The following SRRM2 variants were observed in gnomAD, a reference collection of about 807,000 sequenced individuals.
The protein encoded by SRRM2 is serine/arginine repetitive matrix 2.
In SRRM2, 30 loss-of-function variants were observed where a neutral mutation model predicts 213.8. The ratio of observed to expected loss-of-function variants is 0.14; its 90% CI spans 0.10 to 0.19. The LOEUF is 0.19. SRRM2 is among the 10% of genes least tolerant of loss of function. SRRM2 has a pLI of 1.00. For missense variants in SRRM2, 4,904 were observed against 3,647.0 expected, an observed-to-expected ratio of 1.34 and a Z score of -8.88; for synonymous variants, 2,025 against 1,377.7, an observed-to-expected ratio of 1.47 and a Z score of -10.40.
In SRRM2 at chr16:2,762,878, C is replaced by T; in HGVS notation, c.2350C>T (p.Pro784Ser). The change falls in exon 11 of 15, where the codon CCA (proline) becomes TCA (serine). Residue 784 changes from proline to serine, a missense_variant. Coordinates refer to ENST00000301740, the MANE Select transcript of SRRM2 (RefSeq NM_016333.4). ...SLRRSLSGSS[P>S]CPKQKSQTPP... ...GAGGCGCAGCCTTTCAGGGTCTTCC[C>T]CATGCCCTAAACAAAAGTCACAGAC... is the stretch of plus-strand genomic sequence containing the variant. 2 of 1,614,184 alleles carry T rather than the reference C, an allele frequency of 1.2e-6. No homozygotes were observed. The highest frequency in any genetic ancestry group is 1.1e-5 in the South Asian group (1 of 91,078).
At position 2,752,696 on chromosome 16, in the gene SRRM2, G is replaced by A. The variant is rs1173600927; in HGVS notation, c.-182G>A. The stretch of plus-strand genomic sequence containing the variant: ...GAGTGGCGCAGTTGGAGCCCGTTGC[G>A]GCCCCTGAGGAAGCGAGGAGGCGTC... On this transcript the variant is annotated 5_prime_UTR_variant, in exon 1 of 15. Coordinates refer to ENST00000301740, the MANE Select transcript of SRRM2 (RefSeq NM_016333.4). The A allele has an allele frequency of 3.1e-6, 1 of 326,094 alleles. No individual in the cohort carries two copies. Among genetic ancestry groups the A allele is most frequent in the Non-Finnish European group, 6.1e-6 (1 of 164,724 alleles). 20.2% of individuals were successfully genotyped at this position (326,094 alleles called of 1,614,324 possible). A position where few individuals can be genotyped will look rare whatever the true frequency, so the allele number is the denominator to read the frequency against.
In SRRM2 at chr16:2,765,713, T is replaced by A. The variant is rs1445743454; in HGVS notation, c.5185T>A (p.Ser1729Thr). ...TCCCCCAAGGCACCGGAGAAGTCCC[T>A]CAGTGTCTTCCCCGGAGCCAGCCGA... is the stretch of plus-strand genomic sequence containing the variant. ...RTPPRHRRSP[S>T]VSSPEPAEKS... Residue 1729 changes from serine (S) to threonine (T), a missense_variant, in exon 11 of 15, where the codon TCA becomes ACA. By Grantham distance (58) the Ser-to-Thr change is moderately conservative (BLOSUM62 1). Transcript: ENST00000301740. 2.5e-6 allele frequency: 4 copies of A among 1,613,948 alleles called. No individual in the cohort carries two copies. The African/African-American group carries it at 5.3e-5, about 22-fold the overall frequency.
At chr16:2,756,730 G>T in intron 2 of SRRM2, 124 bp downstream of exon 2, 18 of 1,339,836 alleles carry the variant, frequency 1.3e-5, no homozygotes, top group Non-Finnish European at 1.8e-5. Context: ...TAGGGGAGGA[G>T]GCAGATGAGC....
intron 1 of SRRM2, among the ~76,000 whole-genome samples, chr16:2,755,000 C>T (rs1466110869): frequency 1.3e-5 from 2 of 152,192 alleles, no homozygotes; most frequent in Non-Finnish European, 2.9e-5. Context: ...CTGGAATTTT[C>T]TAAATGCATC....
Position 2,756,594 on chromosome 16 carries a change from TG to T in SRRM2, c.232del (p.Glu78LysfsTer26). 6.2e-7 allele frequency: 1 copy of T among 1,612,660 alleles called. No individual in the cohort carries two copies. Among genetic ancestry groups the T allele is most frequent in the Non-Finnish European group, 8.5e-7 (1 of 1,179,346 alleles). On this transcript the variant is annotated frameshift_variant, in exon 2 of 15. Coordinates refer to ENST00000301740, the MANE Select transcript of SRRM2 (RefSeq NM_016333.4). LOFTEE classifies it high-confidence loss of function. ...CGATGCCTCGAGCTGGAGGAGATGA[TG>T]GAAGAGCAGGGGTGAGGGAGAGCTG... is the stretch of plus-strand genomic sequence containing the variant. ...ELRCLELEEM[M>X]EEQGYEEQQI...
Position 2,767,152 on chromosome 16 carries a change from G to A in SRRM2, c.6624G>A (p.Met2208Ile). 2 of 1,614,148 alleles carry A rather than the reference G, an allele frequency of 1.2e-6. No homozygotes were observed. Among genetic ancestry groups the A allele is most frequent in the East Asian group, 2.2e-5 (1 of 44,878 alleles). The part of the protein sequence containing the change: ...SMSAAGLAAR[M>I]SQVPAPVPLM... ...CTGCTGCTGGCCTTGCTGCAAGAAT[G>A]TCCCAGGTTCCAGCCCCGGTGCCTC... Residue 2208 changes from methionine to isoleucine, a missense_variant, in exon 11 of 15, where the codon ATG becomes ATA. By Grantham distance (10) the Met-to-Ile change is conservative. Transcript: ENST00000301740.
Position 2,756,607 on chromosome 16 carries a change from G to A in SRRM2, c.242+1G>A. The A allele has an allele frequency of 6.2e-7, 1 of 1,610,998 alleles. No individual in the cohort carries two copies. Among genetic ancestry groups the A allele is most frequent in the Non-Finnish European group, 8.5e-7 (1 of 1,178,318 alleles). On this transcript the variant is annotated splice_donor_variant, in intron 2 of 14. Coordinates refer to ENST00000301740, the MANE Select transcript of SRRM2 (RefSeq NM_016333.4). LOFTEE classifies it high-confidence loss of function. Reference sequence around the variant, plus strand: ...TGGAGGAGATGATGGAAGAGCAGGGGTGAGGGAGAGCTGGGGGAGAGTCAA... The same window carrying A: ...TGGAGGAGATGATGGAAGAGCAGGGATGAGGGAGAGCTGGGGGAGAGTCAA...
rs758684692 is a variant in SRRM2 at position 2,762,302 on chromosome 16, C to T, written c.1774C>T (p.Arg592Trp). Residue 592 changes from arginine (R) to tryptophan (W), a missense_variant, in exon 11 of 15, where the codon CGG (arginine) becomes TGG (tryptophan). By Grantham distance (101) the Arg-to-Trp change is moderately radical (BLOSUM62 -3). Coordinates refer to ENST00000301740, the MANE Select transcript of SRRM2 (RefSeq NM_016333.4). ...GRSRSRTPAR[R>W]RSRSRTPTRR... ...GTCCCGCTCTAGAACACCTGCCAGG[C>T]GGAGATCACGATCCAGAACTCCCAC... 4.3e-5 allele frequency: 70 copies of T among 1,614,012 alleles called. No individual in the cohort carries two copies. Among genetic ancestry groups the T allele is most frequent in the African/African-American group, 5.3e-5 (4 of 74,962 alleles).
In SRRM2 at chr16:2,769,138, CTCT is replaced by C. The variant is rs769494575; in HGVS notation, c.7881_7883del (p.Ser2648del). 7.2e-5 allele frequency: 112 copies of C among 1,556,320 alleles called. No individual in the cohort carries two copies. The highest frequency in any genetic ancestry group is 6.7e-4 in the Middle Eastern group (4 of 5,936). On this transcript the variant is annotated inframe_deletion, in exon 12 of 15. Transcript: ENST00000301740. ...CATCTTCCTCCTCCTCCTCCTCCTCCTCTTCTTCCTCCTCCTCTTCCTCTTCTT... is the reference window on the plus strand; with the variant it reads ...CATCTTCCTCCTCCTCCTCCTCCTCCTCTTCCTCCTCCTCTTCCTCTTCTT...
intron 11 of SRRM2, 63 bp from the exon 12 acceptor site, chr16:2,768,934 C>A (rs1230770273): frequency 4.4e-6 from 7 of 1,605,236 alleles, no homozygotes; most frequent in South Asian, 1.1e-5. Flanking sequence ...TCCTCCAGGC[C>A]AAGGAAGGTA....
At position 2,752,687 on chromosome 16, in the gene SRRM2, G is replaced by C. The variant is rs1018997378; in HGVS notation, c.-191G>C. On this transcript the variant is annotated 5_prime_UTR_variant, in exon 1 of 15. Coordinates refer to ENST00000301740, the MANE Select transcript of SRRM2 (RefSeq NM_016333.4). ...GCGGGGTGCGAGTGGCGCAGTTGGA[G>C]CCCGTTGCGGCCCCTGAGGAAGCGA... 6.3e-6 allele frequency: 2 copies of C among 316,192 alleles called. No individual in the cohort carries two copies. Among genetic ancestry groups the C allele is most frequent in the African/African-American group, 2.3e-5 (1 of 43,278 alleles). 19.6% of individuals were successfully genotyped at this position (316,192 alleles called of 1,614,324 possible).
rs1217025015 is a variant in SRRM2, at chr16:2,765,813, C to T, written c.5285C>T (p.Ser1762Phe). 1 of 1,614,128 alleles carries T rather than the reference C, an allele frequency of 6.2e-7. No individual in the cohort carries two copies. Among genetic ancestry groups the T allele is most frequent in the Admixed American group, 1.7e-5 (1 of 60,008 alleles). The part of the protein sequence containing the change: ...RTKTTSRRGR[S>F]PSPKPRGLQR... ...AAGACAACCTCAAGGAGAGGCCGCT[C>T]TCCTTCGCCAAAGCCTCGTGGACTC... The change falls in exon 11 of 15, where the codon TCT (serine) becomes TTT (phenylalanine). Residue 1762 changes from serine (S) to phenylalanine (F), a missense_variant. Coordinates refer to ENST00000301740, the MANE Select transcript of SRRM2 (RefSeq NM_016333.4).
Position 2,761,286 on chromosome 16 carries a change from TATAAC to T in SRRM2, c.1033-272_1033-268del, listed in dbSNP as rs555201947. ...TTTAAAGATAGTTTTTTTCCATTCT[TATAAC>T]ATTTTGTAGTGGTATTTGTTAAATG... On this transcript the variant is annotated intron_variant, in intron 10 of 14. Transcript: ENST00000301740. Among the ~76,000 whole-genome samples the T allele has an allele frequency of 2.0e-4, 30 of 152,368 alleles. No individual in the cohort carries two copies. The East Asian group carries it at 5.4e-3, about 27-fold the overall frequency.
chr16:2,753,003 C>T (rs1436476746), intron 1 of SRRM2, 157 bp downstream of exon 1: 4 of 153,322 alleles, frequency 2.6e-5, no homozygotes, highest in Middle Eastern at 3.4e-3. Context: ...CCTCCCTTCC[C>T]CCTTCCCGCC....
At position 2,764,648 on chromosome 16, in the gene SRRM2, C is replaced by A. The variant is rs185679149; in HGVS notation, c.4120C>A (p.Gln1374Lys). The A allele has an allele frequency of 1.2e-6, 2 of 1,614,152 alleles. No individual in the cohort carries two copies. Among genetic ancestry groups the A allele is most frequent in the Admixed American group, 1.7e-5 (1 of 60,032 alleles). Reference sequence around the variant, plus strand: ...AGATCCATCTCTAGACATGAAAGAACAATCGACAAGATCCTCTGGACACAG... The same window carrying A: ...AGATCCATCTCTAGACATGAAAGAAAAATCGACAAGATCCTCTGGACACAG... ...ETDPSLDMKE[Q>K]STRSSGHSSS... is the part of the protein sequence containing the mutation. The change falls in exon 11 of 15, where the codon CAA (glutamine) becomes AAA (lysine). Residue 1374 changes from glutamine (Q) to lysine (K), a missense_variant. By Grantham distance (53) the Gln-to-Lys change is moderately conservative. Transcript: ENST00000301740.
chr16:2,766,797 C>G lies in SRRM2; in HGVS notation c.6269C>G (p.Ser2090Cys). 9.3e-6 allele frequency: 15 copies of G among 1,614,192 alleles called. No homozygotes were observed. Among genetic ancestry groups the G allele is most frequent in the Non-Finnish European group, 1.2e-5 (14 of 1,180,040 alleles). Residue 2090 changes from serine to cysteine, a missense_variant, in exon 11 of 15, where the codon TCT becomes TGT. Ser to Cys is a moderately radical substitution (Grantham distance 112, BLOSUM62 -1). Coordinates refer to ENST00000301740, the MANE Select transcript of SRRM2 (RefSeq NM_016333.4). The surrounding 1 kb of genome is among the most constrained non-coding windows in gnomAD (Gnocchi z 7.0). The part of the protein sequence containing the change: ...ASGSSSDRSR[S>C]ATPPATRNHS... ...GGAAGTAGTTCTGATCGTTCACGAT[C>G]TGCTACTCCTCCAGCAACAAGAAAT...
Position 2,764,994 on chromosome 16 carries a change from T to C in SRRM2, c.4466T>C (p.Leu1489Ser), listed in dbSNP as rs547364983. The C allele has an allele frequency of 1.2e-6, 2 of 1,614,036 alleles. No individual in the cohort carries two copies. The highest frequency in any genetic ancestry group is 4.5e-5 in the East Asian group (2 of 44,878). The change falls in exon 11 of 15, where the codon TTG becomes TCG. Residue 1489 changes from leucine (L) to serine (S), a missense_variant. Coordinates refer to ENST00000301740, the MANE Select transcript of SRRM2 (RefSeq NM_016333.4). ...ECDSSPEPKA[L>S]PQTPRPRSRS... ...GATTCTTCCCCAGAACCGAAAGCTT[T>C]GCCTCAGACTCCTAGGCCGAGGAGT...
rs2068136971 is a variant in SRRM2 at position 2,756,282 on chromosome 16, G to C, written c.-31-52G>C. 2.1e-6 allele frequency: 3 copies of C among 1,439,162 alleles called. No homozygotes were observed. In the East Asian group the frequency reaches 7.4e-5, roughly 36 times the overall value. 89.1% of individuals were successfully genotyped at this position (1,439,162 alleles called of 1,614,324 possible). A position where few individuals can be genotyped will look rare whatever the true frequency, so the allele number is the denominator to read the frequency against. Reference sequence around the variant, plus strand: ...CAGGGACTTGGGTGTGGGGCGGTAAGTGGTTAGTTTGGGGCCAGGGGCCTG... The same window carrying C: ...CAGGGACTTGGGTGTGGGGCGGTAACTGGTTAGTTTGGGGCCAGGGGCCTG... On this transcript the variant is annotated intron_variant, in intron 1 of 14. Transcript: ENST00000301740.
At position 2,769,029 on chromosome 16, in the gene SRRM2, C is replaced by T. The variant is rs974751654; in HGVS notation, c.7766C>T (p.Ala2589Val). The T allele has an allele frequency of 5.6e-6, 9 of 1,613,986 alleles. No individual in the cohort carries two copies. The highest frequency in any genetic ancestry group is 1.1e-5 in the South Asian group (1 of 91,088). ...VPSPTPAPKE[A>V]VREGRPPEPT... The stretch of plus-strand genomic sequence containing the variant: ...AGCCCCACCCCAGCCCCAAAGGAGG[C>T]TGTTCGAGAGGGACGTCCTCCGGAG... The change falls in exon 12 of 15, where the codon GCT (alanine) becomes GTT (valine). Residue 2589 changes from alanine (A) to valine (V), a missense_variant. Ala to Val is a moderately conservative substitution (Grantham distance 64). Coordinates refer to ENST00000301740, the MANE Select transcript of SRRM2 (RefSeq NM_016333.4).
Sources: allele counts gnomAD v4.1 joint callset (sites outside exome capture counted in the v4.1 genomes callset), GRCh38; gene constraint gnomAD v4.1.1; non-coding constraint Gnocchi (gnomAD v3.1); transcripts MANE v1.5; gene names NCBI Gene and HGNC (gene_info 2026-07-23, HGNC 2026-07-21).